The following RIC8B variants were observed in gnomAD, a reference collection of about 807,000 sequenced individuals.
RIC8B encodes RIC8 guanine nucleotide exchange factor B.
RIC8B carries 16 observed loss-of-function variants against 57.5 expected under a neutral mutation model. That is an observed-to-expected ratio of 0.28 (90% CI 0.19 to 0.42). The LOEUF (loss-of-function observed/expected upper bound fraction) is 0.42, where lower values mean the gene tolerates loss of function less well. Among genes scored for constraint, RIC8B ranks in the 10% least tolerant of loss-of-function variants. RIC8B has a pLI of 1.00. For synonymous variants in RIC8B, 216 were observed against 250.8 expected (o/e 0.86, Z 1.31); for missense variants, 481 against 677.0 (o/e 0.71, Z 3.21).
intron 2 of RIC8B, among the ~76,000 whole-genome samples, chr12:106,789,009 T>C (rs2044153467): frequency 6.6e-6 from 1 of 152,206 alleles, no homozygotes; most frequent in South Asian, 2.1e-4. Flanking sequence ...TAAAGTGGAA[T>C]GCTTTTAACA....
intron 2 of RIC8B, among the ~76,000 whole-genome samples, chr12:106,813,162 C>G (rs1304571440): frequency 2.0e-5 from 3 of 148,198 alleles, no homozygotes; most frequent in East Asian, 3.9e-4. Context: ...GTAAGAAGTG[C>G]ATAGGTTATA....
chr12:106,874,429 G>A (rs1950579682), intron 9 of RIC8B: 4 of 1,340,502 alleles, frequency 3.0e-6, no homozygotes, highest in Non-Finnish European at 2.1e-6. Context: ...TAGGGTTGGA[G>A]GTGATGTGGC....
chr12:106,835,247 C>A (rs1035477763), intron 4 of RIC8B, among the ~76,000 whole-genome samples: 1 of 152,076 alleles, frequency 6.6e-6, no homozygotes, highest in Non-Finnish European at 1.5e-5. Context: ...AATGTCCCCA[C>A]CCCATTTCAT....
chr12:106,843,444 A>G (rs992114994), intron 5 of RIC8B, among the ~76,000 whole-genome samples: 2 of 152,232 alleles, frequency 1.3e-5, no homozygotes, highest in Non-Finnish European at 1.5e-5. Flanking sequence ...TTTTAGGAAA[A>G]GAATTTTTAA....
At chr12:106,822,077 CAAAAAAAAAAAAAAA>C (rs67378158) in intron 3 of RIC8B, among the ~76,000 whole-genome samples, 2 of 38,038 alleles carry the variant, frequency 5.3e-5, no homozygotes, top group East Asian at 1.5e-3. Flanking sequence ...GACTCCATCT[CAAAAAAAAAAAAAAA>C]AAAAAAAAAG....
intron 2 of RIC8B, among the ~76,000 whole-genome samples, chr12:106,785,024 A>ATT (rs1336354215): frequency 3.9e-5 from 6 of 152,320 alleles, no homozygotes; most frequent in African/African-American, 1.4e-4. Flanking sequence ...TAAATCCAAA[A>ATT]TAACAATCTG....
At chr12:106,860,029 AG>A (rs1304289174) in intron 7 of RIC8B, among the ~76,000 whole-genome samples, 7 of 152,138 alleles carry the variant, frequency 4.6e-5, no homozygotes, top group Non-Finnish European at 1.0e-4. Context: ...TTTGCCATAA[AG>A]TGTGTTCAGA....
Position 106,888,581 on chromosome 12 carries a change from T to TGTGAGGAGG in RIC8B, c.*2570_*2578dup, listed in dbSNP as rs1269335794. 6.6e-6 allele frequency: 1 copy of TGTGAGGAGG among 152,502 alleles called. No individual in the cohort carries two copies. Among genetic ancestry groups the TGTGAGGAGG allele is most frequent in the East Asian group, 1.9e-4 (1 of 5,176 alleles). 9.4% of individuals were successfully genotyped at this position (152,502 alleles called of 1,614,324 possible). A position where few individuals can be genotyped will look rare whatever the true frequency, so the allele number is the denominator to read the frequency against. On this transcript the variant is annotated 3_prime_UTR_variant, in exon 10 of 10. Transcript: ENST00000392837. Reference sequence around the variant, plus strand: ...CTCTGAAATGCTGGGAACAGAGTGGTGTGAGGAGGGTGGTCATTCTCAGGC... The same window carrying TGTGAGGAGG: ...CTCTGAAATGCTGGGAACAGAGTGGTGTGAGGAGGGTGAGGAGGGTGGTCATTCTCAGGC...
At chr12:106,857,538 G>T (rs180869601) in intron 7 of RIC8B, among the ~76,000 whole-genome samples, 1 of 152,038 alleles carries the variant, frequency 6.6e-6, no homozygotes, top group Non-Finnish European at 1.5e-5. Context: ...AATATTTCTC[G>T]CAACTTTTTG....
At chr12:106,856,085 G>A (rs1297755617) in intron 7 of RIC8B, among the ~76,000 whole-genome samples, 1 of 151,980 alleles carries the variant, frequency 6.6e-6, no homozygotes, top group African/African-American at 2.4e-5. Context: ...CACCACATCT[G>A]TAGATTTTAC....
At chr12:106,884,026 C>T (rs979529900) in intron 9 of RIC8B, among the ~76,000 whole-genome samples, 6 of 152,136 alleles carry the variant, frequency 3.9e-5, no homozygotes, top group African/African-American at 1.4e-4. Context: ...TAGAGAATCA[C>T]ACACGTCAGT....
In RIC8B at chr12:106,855,365, G is replaced by A. The variant is rs73399328; in HGVS notation, c.1306+3771G>A. ...CTTTATTCTTTTGTTCTTTGAACTC[G>A]CCCTATGTGCTTTCCCCAATCTCTA... On this transcript the variant is annotated intron_variant, in intron 7 of 9. Coordinates refer to ENST00000392837, the MANE Select transcript of RIC8B (RefSeq NM_001330145.2). Among the ~76,000 whole-genome samples, 138 of 152,036 alleles carry A rather than the reference G, an allele frequency of 9.1e-4. 2 individuals are homozygous for A. Among genetic ancestry groups the A allele is most frequent in the African/African-American group, 2.9e-3 (119 of 41,432 alleles).
chr12:106,808,750 C>CT (rs1204886945), intron 2 of RIC8B, among the ~76,000 whole-genome samples: 1 of 152,048 alleles, frequency 6.6e-6, no homozygotes, highest in Non-Finnish European at 1.5e-5. Context: ...TTCTAATAAC[C>CT]TATTTTGGAT....
chr12:106,780,897 A>G lies in RIC8B; in HGVS notation c.85-3100A>G, dbSNP rs924930224. Among the ~76,000 whole-genome samples the G allele has an allele frequency of 2.6e-5, 4 of 152,292 alleles. No homozygotes were observed. The South Asian group carries it at 8.3e-4, about 32-fold the overall frequency. Reference sequence around the variant, plus strand: ...CTGTGTGCAAGGTGCCATGCTTATAAAAAATAAGGAAAATTTGATAGGTAG... The same window carrying G: ...CTGTGTGCAAGGTGCCATGCTTATAGAAAATAAGGAAAATTTGATAGGTAG... On this transcript the variant is annotated intron_variant, in intron 1 of 9. Coordinates refer to ENST00000392837, the MANE Select transcript of RIC8B (RefSeq NM_001330145.2).
chr12:106,847,816 A>G (rs1003813250), intron 6 of RIC8B, among the ~76,000 whole-genome samples: 2 of 152,230 alleles, frequency 1.3e-5, no homozygotes, highest in Non-Finnish European at 2.9e-5. Context: ...AGCTTATATA[A>G]TAGAAGGCAC....
intron 2 of RIC8B, among the ~76,000 whole-genome samples, chr12:106,807,825 C>T (rs981977484): frequency 5.9e-5 from 9 of 152,148 alleles, no homozygotes; most frequent in African/African-American, 2.2e-4. Flanking sequence ...GTAGCTCATG[C>T]CTGTAATCCC....
At chr12:106,841,048 A>G (rs906647963) in intron 4 of RIC8B, among the ~76,000 whole-genome samples, 1 of 152,234 alleles carries the variant, frequency 6.6e-6, no homozygotes, top group African/African-American at 2.4e-5. Context: ...GTTCTGAACT[A>G]TAGATAAGAT....
intron 2 of RIC8B, among the ~76,000 whole-genome samples, chr12:106,794,959 C>T (rs2044411530): frequency 6.6e-6 from 1 of 152,048 alleles, no homozygotes; most frequent in Non-Finnish European, 1.5e-5. Flanking sequence ...ATGTATTGTT[C>T]AGTCAGTAAT....
rs1485807087 is a variant in RIC8B at position 106,830,840 on chromosome 12, T to G, written c.836+5020T>G. On this transcript the variant is annotated intron_variant, in intron 4 of 9. Coordinates refer to ENST00000392837, the MANE Select transcript of RIC8B (RefSeq NM_001330145.2). Reference sequence around the variant, plus strand: ...GAAAAGACATAAATGTTAGGAAAGCTAAATAACAATTCGAGACAGGGATAG... The same window carrying G: ...GAAAAGACATAAATGTTAGGAAAGCGAAATAACAATTCGAGACAGGGATAG... 2.0e-5 allele frequency among the ~76,000 whole-genome samples: 3 copies of G among 152,300 alleles called. No individual in the cohort carries two copies. The East Asian group carries it at 5.8e-4, about 29-fold the overall frequency.
Sources: gnomAD v4.1 joint callset for allele counts (sites outside exome capture counted in the v4.1 genomes callset) on GRCh38, gnomAD v4.1.1 for gene constraint, MANE v1.5 for transcripts, NCBI Gene and HGNC (gene_info 2026-07-23, HGNC 2026-07-21) for gene names.